CCDC126: variants seen among roughly 807,000 people sequenced by gnomAD.
CCDC126 encodes coiled-coil domain-containing protein 126.
Under a neutral mutation model 11.7 loss-of-function variants are expected in CCDC126, and 5 were observed. The observed-to-expected ratio is 0.43, with a 90% CI of 0.22 to 0.90. CCDC126 has a LOEUF of 0.90. Ranked by LOEUF, CCDC126 falls within the 40% of genes least tolerant of loss-of-function variation. CCDC126 has a pLI of 0.27. For synonymous variants in CCDC126, 60 were observed against 61.9 expected, an observed-to-expected ratio of 0.97 and a Z score of 0.14; for missense variants, 150 against 163.1, an observed-to-expected ratio of 0.92 and a Z score of 0.44.
chr7:23,603,788 G>A (rs1782578369), intron 2 of CCDC126, among the ~76,000 whole-genome samples: 1 of 152,188 alleles, frequency 6.6e-6, no homozygotes, highest in Non-Finnish European at 1.5e-5. Context: ...TCAGGGATGT[G>A]TTTTAAAGTA....
chr7:23,625,847 C>T (rs145037451), intron 3 of CCDC126, among the ~76,000 whole-genome samples: 2,734 of 151,270 alleles, frequency 0.018, 97 homozygotes, highest in African/African-American at 0.063. Context: ...TTAGTAGAGA[C>T]GGGGTTTCAC....
chr7:23,620,803 C>G (rs1165658832), intron 3 of CCDC126, among the ~76,000 whole-genome samples: 2 of 152,278 alleles, frequency 1.3e-5, no homozygotes, highest in Non-Finnish European at 2.9e-5. Context: ...ATATGGCTAG[C>G]CAGTTTTCCC....
chr7:23,611,958 A>G (rs4503010), intron 3 of CCDC126, among the ~76,000 whole-genome samples: 1 of 152,138 alleles, frequency 6.6e-6, no homozygotes, highest in South Asian at 2.1e-4. Context: ...CCTGGCTAAC[A>G]CGGTAAAACC....
At chr7:23,620,290 G>A (rs1174236101) in intron 3 of CCDC126, among the ~76,000 whole-genome samples, 1 of 152,176 alleles carries the variant, frequency 6.6e-6, no homozygotes, top group African/African-American at 2.4e-5. Context: ...GGCGTGAGAT[G>A]GTATCTCATT....
chr7:23,639,054 G>T lies in CCDC126; in HGVS notation c.239-3877G>T, dbSNP rs921492732. 5.9e-5 allele frequency among the ~76,000 whole-genome samples: 9 copies of T among 151,764 alleles called. No homozygotes were observed. In the East Asian group the frequency reaches 1.7e-3, roughly 29 times the overall value. ...TACTATTGCAACTCTTGATTGAAAGGTATTAATAAATAAATGTCCCCTCTC... is the reference window on the plus strand; with the variant it reads ...TACTATTGCAACTCTTGATTGAAAGTTATTAATAAATAAATGTCCCCTCTC... On this transcript the variant is annotated intron_variant, in intron 3 of 3. Coordinates refer to ENST00000307471, the MANE Select transcript of CCDC126 (RefSeq NM_138771.4).
intron 3 of CCDC126, among the ~76,000 whole-genome samples, chr7:23,635,241 C>T (rs536068385): frequency 2.0e-5 from 3 of 152,262 alleles, no homozygotes; most frequent in East Asian, 1.9e-4. Context: ...AAACATTTGT[C>T]GAGTGTCTAC....
chr7:23,635,216 G>A (rs1783189372), intron 3 of CCDC126, among the ~76,000 whole-genome samples: 1 of 152,198 alleles, frequency 6.6e-6, no homozygotes, highest in South Asian at 2.1e-4. Context: ...TAGACCTTCA[G>A]CAAATGTTCA....
intron 3 of CCDC126, among the ~76,000 whole-genome samples, chr7:23,616,775 C>T (rs1586127): frequency 0.048 from 7,317 of 152,188 alleles, 500 homozygotes; most frequent in African/African-American, 0.15. Flanking sequence ...GGGTCTCTTT[C>T]GTACATGTGT....
At chr7:23,629,540 A>C (rs915319576) in intron 3 of CCDC126, among the ~76,000 whole-genome samples, 4 of 152,352 alleles carry the variant, frequency 2.6e-5, no homozygotes, top group Admixed American at 2.0e-4. Context: ...GCTATGATAA[A>C]ATTTCTCCAA....
intron 3 of CCDC126, among the ~76,000 whole-genome samples, chr7:23,640,991 GGTTTTTTTTTT>G (rs1194576838): frequency 9.0e-6 from 1 of 111,000 alleles, no homozygotes; most frequent in Non-Finnish European, 1.8e-5. Flanking sequence ...GAATCCTTTT[GGTTTTTTTTTT>G]TTTTTTTTTT....
At chr7:23,627,499 A>G (rs1347000900) in intron 3 of CCDC126, among the ~76,000 whole-genome samples, 1 of 151,638 alleles carries the variant, frequency 6.6e-6, no homozygotes, top group Non-Finnish European at 1.5e-5. Flanking sequence ...CCGAGGAGGT[A>G]GAGGTTACAG....
At chr7:23,631,991 A>C (rs1473904971) in intron 3 of CCDC126, among the ~76,000 whole-genome samples, 1 of 152,220 alleles carries the variant, frequency 6.6e-6, no homozygotes, top group Admixed American at 6.5e-5. Context: ...TATAAAAAAT[A>C]AAAACTGCAG....
At chr7:23,612,488 A>AC (rs1219802089) in intron 3 of CCDC126, among the ~76,000 whole-genome samples, 14 of 150,232 alleles carry the variant, frequency 9.3e-5, no homozygotes, top group South Asian at 2.1e-4. Context: ...AAAAAAAAAA[A>AC]AAAAAAAAAA....
At chr7:23,631,725 C>T (rs988271240) in intron 3 of CCDC126, among the ~76,000 whole-genome samples, 6 of 151,466 alleles carry the variant, frequency 4.0e-5, no homozygotes, top group Non-Finnish European at 5.9e-5. Context: ...GGAGCCACTG[C>T]ACCTCAGCCT....
intron 2 of CCDC126, among the ~76,000 whole-genome samples, chr7:23,599,497 T>C (rs1219062834): frequency 1.3e-5 from 2 of 151,882 alleles, no homozygotes; most frequent in East Asian, 1.9e-4. Flanking sequence ...TGTATATATA[T>C]AGGTTTTGTT....
At chr7:23,600,742 T>C (rs1467677883) in intron 2 of CCDC126, among the ~76,000 whole-genome samples, 1 of 152,164 alleles carries the variant, frequency 6.6e-6, no homozygotes, top group Non-Finnish European at 1.5e-5. Flanking sequence ...AAAATGAGAT[T>C]TGAATGAGAG....
chr7:23,611,136 T>G, intron 2 of CCDC126, 35 bp from the exon 3 acceptor site: 1 of 546,674 alleles, frequency 1.8e-6, no homozygotes, highest in Non-Finnish European at 3.2e-6. Context: ...TGATACAGAT[T>G]AAGACTAATA....
chr7:23,640,343 C>G (rs73287844), intron 3 of CCDC126, among the ~76,000 whole-genome samples: 1,529 of 148,480 alleles, frequency 0.01, 30 homozygotes, highest in African/African-American at 0.036. Context: ...ACTAAAAATA[C>G]AAAATTAGCC....
intron 2 of CCDC126, among the ~76,000 whole-genome samples, chr7:23,607,101 A>C (rs1782636816): frequency 6.6e-6 from 1 of 152,248 alleles, no homozygotes; most frequent in African/African-American, 2.4e-5. Flanking sequence ...CCCTGTCTCA[A>C]AAGCAAAAAA....
Sources: gnomAD v4.1 joint callset for allele counts (sites outside exome capture counted in the v4.1 genomes callset) on GRCh38, gnomAD v4.1.1 for gene constraint, MANE v1.5 for transcripts, NCBI Gene and HGNC (gene_info 2026-07-23, HGNC 2026-07-21) for gene names.